The following LINGO2 variants were observed in gnomAD, a reference collection of about 807,000 sequenced individuals.
The protein encoded by LINGO2 is leucine-rich repeat and immunoglobulin-like domain-containing nogo receptor-interacting protein 2.
LINGO2 carries 14 observed loss-of-function variants against 30.6 expected under a neutral mutation model. The observed-to-expected ratio is 0.46, with a 90% CI of 0.30 to 0.72. The LOEUF is 0.72. Among genes scored for constraint, LINGO2 ranks in the 30% least tolerant of loss-of-function variants. The pLI is 0.07. For missense variants in LINGO2, 729 were observed against 751.7 expected (o/e 0.97, Z 0.35); for synonymous variants, 317 against 288.5 (o/e 1.10, Z -1.00).
intron 4 of LINGO2, among the ~76,000 whole-genome samples, chr9:28,063,183 T>C (rs1395092785): frequency 6.6e-6 from 1 of 152,136 alleles, no homozygotes; most frequent in Non-Finnish European, 1.5e-5. Context: ...TACTTTCTTT[T>C]AGTTTGTGTG....
the LINGO2 span, among the ~76,000 whole-genome samples, chr9:29,132,046 G>A: frequency 6.6e-6 from 1 of 151,770 alleles, no homozygotes; most frequent in Non-Finnish European, 1.5e-5. Flanking sequence ...AGGCACAACT[G>A]CTGGCCATCA....
chr9:28,029,602 T>C lies in LINGO2; in HGVS notation c.-86-17197A>G, dbSNP rs988099772. Among the ~76,000 whole-genome samples, 68 of 152,010 alleles carry C rather than the reference T, an allele frequency of 4.5e-4. 1 individual carries two copies. The highest frequency in any genetic ancestry group is 1.6e-3 in the African/African-American group (67 of 41,378). ...AACCGTCAAAAATAAAATGAAGGAG[T>C]TGATGTCGGATATAAAAAGTGACCT... On this transcript the variant is annotated intron_variant, in intron 4 of 5. Transcript: ENST00000379992.
the LINGO2 span, among the ~76,000 whole-genome samples, chr9:29,208,645 G>C: frequency 6.6e-6 from 1 of 152,066 alleles, no homozygotes; most frequent in South Asian, 2.1e-4. Flanking sequence ...CTTGGCACCT[G>C]AAAGTTCTGT....
At chr9:28,019,802 C>G (rs563570446) in intron 4 of LINGO2, among the ~76,000 whole-genome samples, 11 of 152,198 alleles carry the variant, frequency 7.2e-5, no homozygotes, top group African/African-American at 2.4e-4. Flanking sequence ...ATTTAAGCCT[C>G]AGTTTTTTCA....
At chr9:28,671,187 T>G (rs1828994388), upstream of LINGO2, among the ~76,000 whole-genome samples, 2 of 152,000 alleles carry the variant, frequency 1.3e-5, no homozygotes, top group Admixed American at 6.6e-5. Flanking sequence ...CAAATCTCAG[T>G]GAATCAGCAC....
At chr9:27,942,608 A>G in the LINGO2 span, 4 of 152,096 alleles carry the variant, frequency 2.6e-5, no homozygotes, top group Non-Finnish European at 5.9e-5. Context: ...ACTTTCAGGC[A>G]TTTTTTACGA....
At chr9:28,165,456 G>A (rs967085933) in intron 4 of LINGO2, among the ~76,000 whole-genome samples, 2 of 152,222 alleles carry the variant, frequency 1.3e-5, no homozygotes, top group South Asian at 2.1e-4. Context: ...AAGATGCCTA[G>A]TTTTCTTTGT....
chr9:28,372,458 C>T (rs1206499005), intron 3 of LINGO2, among the ~76,000 whole-genome samples: 1 of 152,038 alleles, frequency 6.6e-6, no homozygotes, highest in Non-Finnish European at 1.5e-5. Flanking sequence ...TCTAAAACAG[C>T]TGAAGTCACA....
the LINGO2 span, among the ~76,000 whole-genome samples, chr9:28,797,359 T>TATATATATATATAGAGAG: frequency 2.6e-4 from 9 of 34,210 alleles, no homozygotes; most frequent in South Asian, 2.0e-3. Context: ...TATATATATA[T>TATATATATATATAGAGAG]AGAGAGAGAG....
chr9:28,018,062 C>T (rs1043334613), intron 4 of LINGO2, among the ~76,000 whole-genome samples: 7 of 152,018 alleles, frequency 4.6e-5, no homozygotes, highest in African/African-American at 1.4e-4. Context: ...CATATGCCTA[C>T]AATCATCTGA....
At chr9:28,269,140 A>G (rs1822854869) in intron 4 of LINGO2, among the ~76,000 whole-genome samples, 1 of 152,070 alleles carries the variant, frequency 6.6e-6, no homozygotes, top group Non-Finnish European at 1.5e-5. Flanking sequence ...GCAGAGTTAA[A>G]CATGTCCATT....
the LINGO2 span, among the ~76,000 whole-genome samples, chr9:28,675,757 G>C: frequency 6.6e-6 from 1 of 151,096 alleles, no homozygotes. Context: ...TGTAATCCTA[G>C]CTACTCGGGA....
At chr9:28,056,205 T>G (rs1824935996) in intron 4 of LINGO2, among the ~76,000 whole-genome samples, 1 of 152,092 alleles carries the variant, frequency 6.6e-6, no homozygotes, top group Non-Finnish European at 1.5e-5. Flanking sequence ...AGGTTTATAT[T>G]ATTACTAACA....
chr9:28,968,355 G>A, the LINGO2 span, among the ~76,000 whole-genome samples: 1 of 152,060 alleles, frequency 6.6e-6, no homozygotes, highest in African/African-American at 2.4e-5. Flanking sequence ...CTGTTACAAT[G>A]AACTAGGAGA....
intron 4 of LINGO2, among the ~76,000 whole-genome samples, chr9:28,025,377 G>GA (rs1178532246): frequency 6.6e-6 from 1 of 152,168 alleles, no homozygotes; most frequent in African/African-American, 2.4e-5. Context: ...TTTGGCCATT[G>GA]AAAATACTAT....
At chr9:28,571,513 C>T (rs1272967069) in intron 1 of LINGO2, among the ~76,000 whole-genome samples, 1 of 152,052 alleles carries the variant, frequency 6.6e-6, no homozygotes, top group East Asian at 1.9e-4. Context: ...ATAAAACAAT[C>T]CTGTAAAATA....
the LINGO2 span, among the ~76,000 whole-genome samples, chr9:28,966,747 A>T: frequency 6.6e-6 from 1 of 152,122 alleles, no homozygotes; most frequent in Admixed American, 6.6e-5. Context: ...ATTCCATAAA[A>T]GTAATGTAGA....
At chr9:28,923,907 C>T in the LINGO2 span, among the ~76,000 whole-genome samples, 2 of 152,094 alleles carry the variant, frequency 1.3e-5, no homozygotes, top group African/African-American at 2.4e-5. Flanking sequence ...CAGCTCTGTA[C>T]AGGAAATAAA....
chr9:28,499,290 T>G (rs975589645), intron 1 of LINGO2, among the ~76,000 whole-genome samples: 1 of 152,172 alleles, frequency 6.6e-6, no homozygotes, highest in South Asian at 2.1e-4. Context: ...AGAAAGACCA[T>G]CTCAGTCAGA....
Sources: gnomAD v4.1 joint callset for allele counts (sites outside exome capture counted in the v4.1 genomes callset) on GRCh38, gnomAD v4.1.1 for gene constraint, MANE v1.5 for transcripts, NCBI Gene and HGNC (gene_info 2026-07-23, HGNC 2026-07-21) for gene names.